PIK3C2G: variants seen among roughly 807,000 people sequenced by gnomAD.
PIK3C2G encodes phosphatidylinositol-4-phosphate 3-kinase catalytic subunit type 2 gamma.
PIK3C2G carries 168 observed loss-of-function variants against 181.1 expected under a neutral mutation model. The ratio of observed to expected loss-of-function variants is 0.93; its 90% CI spans 0.82 to 1.05. The LOEUF is 1.05. PIK3C2G is among the 50% of genes least tolerant of loss of function. The pLI is 0.00. For synonymous variants in PIK3C2G, 573 were observed against 592.2 expected (o/e 0.97, Z 0.47); for missense variants, 1,869 against 1,732.8 (o/e 1.08, Z -1.40).
intron 15 of PIK3C2G, among the ~76,000 whole-genome samples, chr12:18,395,037 T>C: frequency 6.9e-6 from 1 of 145,732 alleles, no homozygotes; most frequent in African/African-American, 2.5e-5. Context: ...CTTTCTTTGT[T>C]TCTTTCATTT....
chr12:18,301,835 C>A (rs1481712578), intron 5 of PIK3C2G, among the ~76,000 whole-genome samples: 1 of 152,130 alleles, frequency 6.6e-6, no homozygotes, highest in Non-Finnish European at 1.5e-5. Context: ...ATAGTCACTT[C>A]TTCCAATTTT....
intron 15 of PIK3C2G, among the ~76,000 whole-genome samples, chr12:18,393,049 T>A (rs1386682621): frequency 1.3e-5 from 2 of 152,106 alleles, no homozygotes; most frequent in African/African-American, 4.8e-5. Context: ...GCTAGCATAT[T>A]TACACTTAGA....
chr12:18,404,093 GA>G (rs36045722), intron 16 of PIK3C2G, among the ~76,000 whole-genome samples: 61,560 of 151,894 alleles, frequency 0.41, 12,718 homozygotes, highest in East Asian at 0.65. Context: ...ATATTTAACA[GA>G]ACAGTGCCTT....
intron 26 of PIK3C2G, among the ~76,000 whole-genome samples, chr12:18,556,274 C>A (rs1945008057): frequency 6.6e-6 from 1 of 152,122 alleles, no homozygotes; most frequent in Non-Finnish European, 1.5e-5. Context: ...CTCACAGAGG[C>A]CTGAAACCGA....
rs1276266431 is a variant in PIK3C2G, at chr12:18,532,684, T to G, written c.3324-5472T>G. Among the ~76,000 whole-genome samples, 4 of 152,118 alleles carry G rather than the reference T, an allele frequency of 2.6e-5. No homozygotes were observed. The East Asian group carries it at 7.7e-4, about 29-fold the overall frequency. On this transcript the variant is annotated intron_variant, in intron 24 of 32. Transcript: ENST00000538779. ...TTCTGTTCCATTAGCCTATGTGTAT[T>G]CTGCCACCAATACCAATTTTCTTAC...
the PIK3C2G span, among the ~76,000 whole-genome samples, chr12:18,667,056 C>T: frequency 5.9e-5 from 9 of 152,174 alleles, no homozygotes; most frequent in South Asian, 1.9e-3. Context: ...AGTGCATCCT[C>T]AATGCATCAC....
intron 18 of PIK3C2G, among the ~76,000 whole-genome samples, chr12:18,449,538 T>C (rs536251093): frequency 6.6e-6 from 1 of 152,210 alleles, no homozygotes; most frequent in East Asian, 1.9e-4. Context: ...CACTTATGAG[T>C]GAAGACGTGG....
At chr12:18,296,350 G>A (rs903567770) in intron 5 of PIK3C2G, among the ~76,000 whole-genome samples, 1 of 152,058 alleles carries the variant, frequency 6.6e-6, no homozygotes, top group African/African-American at 2.4e-5. Flanking sequence ...CAGTTCGTCT[G>A]GGTGAGGCCT....
chr12:18,592,472 T>G (rs1253126297), intron 29 of PIK3C2G, among the ~76,000 whole-genome samples: 1 of 151,872 alleles, frequency 6.6e-6, no homozygotes, highest in African/African-American at 2.4e-5. Context: ...ATGTATGTAG[T>G]TTTTAAGAGA....
At chr12:18,626,526 C>T (rs1949107582) in intron 31 of PIK3C2G, among the ~76,000 whole-genome samples, 1 of 151,916 alleles carries the variant, frequency 6.6e-6, no homozygotes, top group Non-Finnish European at 1.5e-5. Context: ...TCATAAGTTT[C>T]ATGTTATTAG....
chr12:18,542,310 TC>T (rs1389004690), intron 25 of PIK3C2G, among the ~76,000 whole-genome samples: 5 of 151,898 alleles, frequency 3.3e-5, no homozygotes, highest in African/African-American at 1.2e-4. Context: ...GAATGTGTCT[TC>T]CTATGGTTGA....
chr12:18,684,741 A>G, the PIK3C2G span, among the ~76,000 whole-genome samples: 1 of 152,048 alleles, frequency 6.6e-6, no homozygotes, highest in Non-Finnish European at 1.5e-5. Context: ...ATTTTTCTAT[A>G]CTAAGTCCTT....
intron 18 of PIK3C2G, among the ~76,000 whole-genome samples, chr12:18,455,540 C>A (rs1592303363): frequency 6.6e-6 from 1 of 152,002 alleles, no homozygotes; most frequent in South Asian, 2.1e-4. Context: ...GCTGCTATAA[C>A]AAAAATACCA....
chr12:18,266,032 A>C (rs1948479765), intron 1 of PIK3C2G, among the ~76,000 whole-genome samples: 1 of 150,966 alleles, frequency 6.6e-6, no homozygotes, highest in Admixed American at 6.6e-5. Flanking sequence ...AAAAAAAAAA[A>C]AAAAAAAAAC....
upstream of PIK3C2G, among the ~76,000 whole-genome samples, chr12:18,245,277 G>T (rs1442585183): frequency 6.6e-6 from 1 of 151,996 alleles, no homozygotes; most frequent in African/African-American, 2.4e-5. Context: ...CATTTCCAGT[G>T]AATTCCAATT....
intron 30 of PIK3C2G, 151 bp from the exon 31 acceptor site, chr12:18,609,384 C>T (rs1948219467): frequency 1.9e-6 from 1 of 529,046 alleles, no homozygotes; most frequent in Non-Finnish European, 3.4e-6. Flanking sequence ...AACCAACTGC[C>T]TCCTGAAGAG....
chr12:18,419,672 G>T (rs906764016), intron 16 of PIK3C2G, among the ~76,000 whole-genome samples: 3 of 152,178 alleles, frequency 2.0e-5, no homozygotes, highest in Non-Finnish European at 4.4e-5. Flanking sequence ...TGTTCAACAG[G>T]AGAAAAATAC....
chr12:18,475,356 A>G (rs1938867478), intron 18 of PIK3C2G, among the ~76,000 whole-genome samples: 1 of 122,456 alleles, frequency 8.2e-6, no homozygotes, highest in South Asian at 2.8e-4. Flanking sequence ...CTCTCTCTCA[A>G]TCTCACCCAC....
At chr12:18,501,113 A>C (rs1238808569) in intron 22 of PIK3C2G, among the ~76,000 whole-genome samples, 1 of 152,206 alleles carries the variant, frequency 6.6e-6, no homozygotes, top group African/African-American at 2.4e-5. Context: ...TGTAACACTC[A>C]CCGCGAAGGT....
Sources: gnomAD v4.1 joint callset for allele counts (sites outside exome capture counted in the v4.1 genomes callset) on GRCh38, gnomAD v4.1.1 for gene constraint, MANE v1.5 for transcripts, NCBI Gene and HGNC (gene_info 2026-07-23, HGNC 2026-07-21) for gene names.